CUL9: variants seen among roughly 807,000 people sequenced by gnomAD.
The protein encoded by CUL9 is cullin 9.
In CUL9, 79 loss-of-function variants were observed where a neutral mutation model predicts 272.6. The observed-to-expected ratio is 0.29, with a 90% confidence interval of 0.24 to 0.35. The LOEUF is 0.35. Among genes scored for constraint, CUL9 ranks in the 10% least tolerant of loss-of-function variants. The pLI is 1.00. For synonymous variants in CUL9, 1,186 were observed against 1,286.5 expected (o/e 0.92, Z 1.67); for missense variants, 2,532 against 3,255.6 (o/e 0.78, Z 5.41).
intron 31 of CUL9, 75 bp downstream of exon 31, chr6:43,216,578 G>A (rs13213347): frequency 7.2e-7 from 1 of 1,380,050 alleles, no homozygotes; most frequent in Non-Finnish European, 9.9e-7. Flanking sequence ...GAATTCTTGG[G>A]TTCTAGCCCA....
At chr6:43,186,598 T>G (rs1772939701) in intron 4 of CUL9, 143 bp downstream of exon 4, 4 of 1,277,006 alleles carry the variant, frequency 3.1e-6, no homozygotes, top group Non-Finnish European at 4.2e-6. Context: ...TTGGCATTTG[T>G]GCGGGGTGCA....
chr6:43,188,812 T>C (rs576132053), intron 8 of CUL9, 97 bp downstream of exon 8: 56 of 1,085,298 alleles, frequency 5.2e-5, no homozygotes, highest in Middle Eastern at 3.1e-4. Context: ...TTAGAAAAGC[T>C]TGGGGTGAGG....
In CUL9 at chr6:43,213,110, C is replaced by G. The variant is rs1237964373; in HGVS notation, c.5213-39C>G. ...CAACCCCTAAACCCCTTGTTTCGCC[C>G]ATTCTGTGTCTCCACCCTTCTCCTT... On this transcript the variant is annotated intron_variant, in intron 26 of 40. Coordinates refer to ENST00000252050, the MANE Select transcript of CUL9 (RefSeq NM_015089.4). The surrounding 1 kb of genome is among the most constrained non-coding windows in gnomAD (Gnocchi z 5.7). 1 of 1,605,884 alleles carries G rather than the reference C, an allele frequency of 6.2e-7. No homozygotes were observed.
At chr6:43,197,859 C>T (rs1007330881) in intron 11 of CUL9, among the ~76,000 whole-genome samples, 6 of 152,174 alleles carry the variant, frequency 3.9e-5, no homozygotes, top group Non-Finnish European at 7.3e-5. Flanking sequence ...ACACTTGTGC[C>T]TGGAAACATT....
chr6:43,191,289 T>C (rs1055533699), intron 8 of CUL9, among the ~76,000 whole-genome samples: 7 of 148,040 alleles, frequency 4.7e-5, no homozygotes, highest in Non-Finnish European at 6.0e-5. Flanking sequence ...TGTGTGTGTG[T>C]GTGCGTGTTG....
chr6:43,211,834 T>A (rs1322457933), intron 26 of CUL9, among the ~76,000 whole-genome samples: 1 of 152,182 alleles, frequency 6.6e-6, no homozygotes, highest in Non-Finnish European at 1.5e-5. Context: ...TTATCAAGTA[T>A]TTAGAAATTT....
At position 43,215,152 on chromosome 6, in the gene CUL9, G is replaced by A. The variant is rs1221847501; in HGVS notation, c.5762G>A (p.Cys1921Tyr). 6.2e-7 allele frequency: 1 copy of A among 1,614,110 alleles called. No homozygotes were observed. The highest frequency in any genetic ancestry group is 8.5e-7 in the Non-Finnish European group (1 of 1,180,050). ...CACACTGTTGCTGGGGGTGTGGCCT[G>A]TACCAGTACAGATGTCCTCTCTTGC... is the stretch of plus-strand genomic sequence containing the variant. ...LGHTVAGGVA[C>Y]TSTDVLSCIL... is the part of the protein sequence containing the mutation. Residue 1921 changes from cysteine (C) to tyrosine (Y), a missense_variant, in exon 30 of 41, where the codon TGT becomes TAT. Physicochemically the swap from Cys to Tyr is radical, Grantham distance 194. Transcript: ENST00000252050.
Position 43,196,116 on chromosome 6 carries a change from T to G in CUL9, c.2436T>G (p.Phe812Leu), listed in dbSNP as rs771990942. ...AVASSSEIPTFVTGRDSIHSL... is the reference protein window; with the variant it reads ...AVASSSEIPTLVTGRDSIHSL... ...CCAGCTCCTCGGAGATCCCCACTTTTGTTACTGGCCGAGATTCTATCCACT... is the reference window on the plus strand; with the variant it reads ...CCAGCTCCTCGGAGATCCCCACTTTGGTTACTGGCCGAGATTCTATCCACT... The change falls in exon 10 of 41, where the codon TTT becomes TTG. Residue 812 changes from phenylalanine to leucine, a missense_variant. Physicochemically the swap from Phe to Leu is conservative, Grantham distance 22 (BLOSUM62 0). This residue lies in a region of CUL9 where 2,218 missense variants were observed against 2,788.6 expected (regional missense o/e 0.80). Transcript: ENST00000252050. The G allele has an allele frequency of 1.2e-6, 2 of 1,614,086 alleles. No individual in the cohort carries two copies. Among genetic ancestry groups the G allele is most frequent in the South Asian group, 2.2e-5 (2 of 91,084 alleles).
chr6:43,200,611 T>C lies in CUL9; in HGVS notation c.3476-52T>C, dbSNP rs1014884739. On this transcript the variant is annotated intron_variant, in intron 15 of 40. Coordinates refer to ENST00000252050, the MANE Select transcript of CUL9 (RefSeq NM_015089.4). The surrounding 1 kb of genome is among the most constrained non-coding windows in gnomAD (Gnocchi z 4.0). ...TCCTGCTCCTTAGACCTTTTCCTTT[T>C]TCCTCTCAACTAACCTAGCTGTGAC... is the stretch of plus-strand genomic sequence containing the variant. 2 of 1,613,466 alleles carry C rather than the reference T, an allele frequency of 1.2e-6. No homozygotes were observed. Among genetic ancestry groups the C allele is most frequent in the African/African-American group, 2.7e-5 (2 of 74,900 alleles).
At position 43,188,513 on chromosome 6, in the gene CUL9, C is replaced by T. The variant is rs1329403993; in HGVS notation, c.1988-10C>T. The T allele has an allele frequency of 5.1e-6, 8 of 1,578,034 alleles. No individual in the cohort carries two copies. Among genetic ancestry groups the T allele is most frequent in the South Asian group, 2.3e-5 (2 of 85,890 alleles). On this transcript the variant is annotated splice_polypyrimidine_tract_variant and intron_variant, in intron 7 of 40. Transcript: ENST00000252050. ...TTCTTTTAGCCATTGCCTTTTCCCACCAATTTCAGAAATGGCCAGAGCCTT... is the reference window on the plus strand; with the variant it reads ...TTCTTTTAGCCATTGCCTTTTCCCATCAATTTCAGAAATGGCCAGAGCCTT...
rs373345866 is a variant in CUL9, at chr6:43,213,102, G to C, written c.5213-47G>C. On this transcript the variant is annotated intron_variant, in intron 26 of 40. Coordinates refer to ENST00000252050, the MANE Select transcript of CUL9 (RefSeq NM_015089.4). The surrounding 1 kb of genome is among the most constrained non-coding windows in gnomAD (Gnocchi z 5.7). ...TGACACCTCAACCCCTAAACCCCTT[G>C]TTTCGCCCATTCTGTGTCTCCACCC... 5.6e-6 allele frequency: 9 copies of C among 1,601,314 alleles called. No homozygotes were observed. The African/African-American group carries it at 1.1e-4, about 19-fold the overall frequency.
At position 43,199,254 on chromosome 6, in the gene CUL9, C is replaced by T. The variant is rs1370754480; in HGVS notation, c.3051-12C>T. ...CCTGGCCTGACTTCACTCGTTTCTA[C>T]CCCCTCACCAGGGTCATAACCCGAC... On this transcript the variant is annotated splice_polypyrimidine_tract_variant and intron_variant, in intron 12 of 40. Transcript: ENST00000252050. The surrounding 1 kb of genome is among the most constrained non-coding windows in gnomAD (Gnocchi z 4.4). 1 of 1,606,688 alleles carries T rather than the reference C, an allele frequency of 6.2e-7. No individual in the cohort carries two copies. The highest frequency in any genetic ancestry group is 1.7e-5 in the Admixed American group (1 of 59,954).
chr6:43,197,202 A>G (rs1485761597), intron 11 of CUL9, among the ~76,000 whole-genome samples: 2 of 152,030 alleles, frequency 1.3e-5, no homozygotes, highest in Non-Finnish European at 2.9e-5. Flanking sequence ...ACCTGCCACC[A>G]CAGCGGGCTA....
chr6:43,205,942 CGAG>C, intron 24 of CUL9, 62 bp from the exon 25 acceptor site: 1 of 1,430,630 alleles, frequency 7.0e-7, no homozygotes, highest in Non-Finnish European at 9.7e-7. Flanking sequence ...CCTACATTCT[CGAG>C]GGGGAGGCTG....
chr6:43,214,262 A>T (rs1775754229), intron 29 of CUL9, among the ~76,000 whole-genome samples: 2 of 152,018 alleles, frequency 1.3e-5, no homozygotes, highest in Admixed American at 1.3e-4. Context: ...TCTACCAAAA[A>T]TATAAAAATT....
rs112516091 is a variant in CUL9, at chr6:43,221,093, C to G, written c.6589-65C>G. The G allele has an allele frequency of 0.025, 39,290 of 1,571,982 alleles. 1,075 individuals carry two copies. The highest frequency in any genetic ancestry group is 0.14 in the African/African-American group (10,403 of 74,152). On this transcript the variant is annotated intron_variant, in intron 33 of 40. Coordinates refer to ENST00000252050, the MANE Select transcript of CUL9 (RefSeq NM_015089.4). This position sits in a 1 kb window ranked among gnomAD's most constrained non-coding sequence, Gnocchi z 4.2. Reference sequence around the variant, plus strand: ...TGATCTGTGCCTGCTCCCCTCTCTCCTGTGCACACCAGCCATGCTGCCCTC... The same window carrying G: ...TGATCTGTGCCTGCTCCCCTCTCTCGTGTGCACACCAGCCATGCTGCCCTC...
Position 43,184,337 on chromosome 6 carries a change from C to A in CUL9, c.27C>A (p.Asp9Glu), listed in dbSNP as rs752419079. ...TGGTGGGGGAACGGCATGCTGGGGA[C>A]CTCATGGTGCCCTTAGGGCCTCGGC... MVGERHAG[D>E]LMVPLGPRLQ... Residue 9 changes from aspartate to glutamate, a missense_variant, in exon 2 of 41, where the codon GAC (aspartate) becomes GAA (glutamate). This residue lies in a region of CUL9 where 2,218 missense variants were observed against 2,788.6 expected (regional missense o/e 0.80). Transcript: ENST00000252050. The surrounding 1 kb of genome is among the most constrained non-coding windows in gnomAD (Gnocchi z 4.8). 1.9e-6 allele frequency: 3 copies of A among 1,550,248 alleles called. No homozygotes were observed. In the East Asian group the frequency reaches 6.9e-5, roughly 35 times the overall value.
At chr6:43,201,051 G>T (rs150458394) in intron 16 of CUL9, among the ~76,000 whole-genome samples, 135 of 152,296 alleles carry the variant, frequency 8.9e-4, no homozygotes, top group African/African-American at 3.2e-3. Flanking sequence ...GGTACAGATG[G>T]CACTGCCCTG....
intron 29 of CUL9, 97 bp downstream of exon 29, chr6:43,214,009 A>T: frequency 8.2e-7 from 1 of 1,226,792 alleles, no homozygotes; most frequent in South Asian, 1.3e-5. Flanking sequence ...AGACTTCTGT[A>T]GGGTGACATT....
Sources: allele counts gnomAD v4.1 joint callset (sites outside exome capture counted in the v4.1 genomes callset), GRCh38; gene constraint gnomAD v4.1.1; regional missense constraint gnomAD v4.1.1; non-coding constraint Gnocchi (gnomAD v3.1); transcripts MANE v1.5; gene names NCBI Gene and HGNC (gene_info 2026-07-23, HGNC 2026-07-21).